SLC35E4: variants seen among roughly 807,000 people sequenced by gnomAD.
The protein encoded by SLC35E4 is solute carrier family 35 member E4.
SLC35E4 carries 15 observed loss-of-function variants against 19.3 expected under a neutral mutation model. The observed-to-expected ratio is 0.78, with a 90% CI of 0.52 to 1.20. The LOEUF (loss-of-function observed/expected upper bound fraction) is 1.20, where lower values mean the gene tolerates loss of function less well. SLC35E4 is among the 50% of genes most tolerant of loss of function. SLC35E4 has a pLI of 0.00. For missense variants in SLC35E4, 406 were observed against 472.3 expected (o/e 0.86, Z 1.30); for synonymous variants, 219 against 219.9 (o/e 1.00, Z 0.04).
chr22:30,650,626 G>T (rs758082374), downstream of SLC35E4, among the ~76,000 whole-genome samples: 1 of 152,152 alleles, frequency 6.6e-6, no homozygotes, highest in Admixed American at 6.5e-5. Flanking sequence ...TGCATTGAGT[G>T]GGGGCAGCAG....
chr22:30,639,680 T>G (rs558258545), intron 1 of SLC35E4, among the ~76,000 whole-genome samples: 29 of 152,306 alleles, frequency 1.9e-4, no homozygotes, highest in Non-Finnish European at 3.7e-4. Context: ...TTTCTCCCAT[T>G]TGCTTTTGAA....
intron 1 of SLC35E4, among the ~76,000 whole-genome samples, chr22:30,639,183 G>A (rs993695264): frequency 5.9e-5 from 9 of 152,250 alleles, no homozygotes; most frequent in East Asian, 1.9e-4. Context: ...CTGGGTGTCC[G>A]GGGGAGACAT....
chr22:30,650,332 C>CA (rs557805647), downstream of SLC35E4, among the ~76,000 whole-genome samples: 3,443 of 136,064 alleles, frequency 0.025, 58 homozygotes, highest in Non-Finnish European at 0.036. Context: ...GACTTCGTCT[C>CA]AAAAAAAAAA....
intron 2 of SLC35E4, chr22:30,662,033 T>TC (rs2088488374): frequency 6.7e-6 from 1 of 150,048 alleles, no homozygotes; most frequent in Non-Finnish European, 1.5e-5. Context: ...TTAAACCATT[T>TC]TTTTTTTTTT....
At chr22:30,663,341 G>T, downstream of SLC35E4, 6 of 1,270,590 alleles carry the variant, frequency 4.7e-6, no homozygotes, top group South Asian at 3.1e-5. Context: ...GTTTTTTTCT[G>T]TATCAACAAA....
chr22:30,656,318 G>A (rs991969180), intron 2 of SLC35E4, among the ~76,000 whole-genome samples: 5 of 152,072 alleles, frequency 3.3e-5, no homozygotes, highest in Non-Finnish European at 7.4e-5. Flanking sequence ...TAGGAAAGCA[G>A]GGCTGTGTGC....
At chr22:30,650,550 G>A (rs559596771), downstream of SLC35E4, among the ~76,000 whole-genome samples, 9 of 152,212 alleles carry the variant, frequency 5.9e-5, no homozygotes, top group South Asian at 2.1e-4. Context: ...ACTTGTGCTC[G>A]AATCCTGGCT....
In SLC35E4 at chr22:30,653,345, C is replaced by T. The variant is rs140900173; in HGVS notation, c.*8+4092C>T. ...TCTCCTGCTGCCCTATCCCGACTGC[C>T]ACAACCCTCATGTGCCCCCTTCCTC... On this transcript the variant is annotated intron_variant, in intron 2 of 2. Transcript: ENST00000406566. Among the ~76,000 whole-genome samples the T allele has an allele frequency of 2.0e-5, 3 of 151,788 alleles. No individual in the cohort carries two copies. The East Asian group carries it at 5.8e-4, about 29-fold the overall frequency.
At chr22:30,651,323 C>T (rs1477513695), downstream of SLC35E4, among the ~76,000 whole-genome samples, 2 of 145,646 alleles carry the variant, frequency 1.4e-5, no homozygotes, top group African/African-American at 5.1e-5. Flanking sequence ...GCCTCAGCCT[C>T]CTGAGTAGCT....
chr22:30,651,397 G>GTATATATA (rs1411379695), downstream of SLC35E4, among the ~76,000 whole-genome samples: 5 of 52,638 alleles, frequency 9.5e-5, no homozygotes, highest in African/African-American at 6.9e-4. Flanking sequence ...GTGTGTGTGT[G>GTATATATA]TGTATATATA....
At chr22:30,645,797 C>T (rs2145581942) in intron 1 of SLC35E4, among the ~76,000 whole-genome samples, 1 of 150,234 alleles carries the variant, frequency 6.7e-6, no homozygotes, top group Middle Eastern at 3.5e-3. Flanking sequence ...GGATTACAGG[C>T]ATAAGCCACT....
chr22:30,649,893 T>G (rs1445969509), downstream of SLC35E4, among the ~76,000 whole-genome samples: 3 of 149,220 alleles, frequency 2.0e-5, no homozygotes, highest in Admixed American at 6.7e-5. Context: ...GACAGGTAAT[T>G]GGGGTTGTGT....
intron 2 of SLC35E4, chr22:30,654,128 C>T (rs1217901819): frequency 1.7e-5 from 4 of 228,850 alleles, no homozygotes; most frequent in Non-Finnish European, 3.5e-5. Flanking sequence ...TACGGGCGCC[C>T]GCCACCACGC....
chr22:30,645,275 T>C (rs2088109460), intron 1 of SLC35E4, among the ~76,000 whole-genome samples: 1 of 152,072 alleles, frequency 6.6e-6, no homozygotes. Flanking sequence ...TTGGGGCCAG[T>C]TGATGCAGAG....
At chr22:30,639,880 C>T (rs984929227) in intron 1 of SLC35E4, among the ~76,000 whole-genome samples, 8 of 152,096 alleles carry the variant, frequency 5.3e-5, no homozygotes, top group African/African-American at 7.2e-5. Flanking sequence ...CGACATACAG[C>T]CTCCTCAGCT....
chr22:30,656,958 TA>T (rs2088350066), intron 2 of SLC35E4, among the ~76,000 whole-genome samples: 2 of 151,552 alleles, frequency 1.3e-5, no homozygotes. Flanking sequence ...CTATTTTGTA[TA>T]AAAATATAAA....
chr22:30,644,118 C>T (rs553250602), intron 1 of SLC35E4, among the ~76,000 whole-genome samples: 1 of 152,306 alleles, frequency 6.6e-6, no homozygotes, highest in African/African-American at 2.4e-5. Context: ...GTTTAATGTG[C>T]AAGCCACAGG....
chr22:30,657,155 C>A (rs1434995240), intron 2 of SLC35E4, among the ~76,000 whole-genome samples: 21 of 151,966 alleles, frequency 1.4e-4, no homozygotes, highest in Admixed American at 1.4e-3. Context: ...AATTTCTGGG[C>A]TGGGTGCAGT....
At chr22:30,637,632 T>A (rs779879207) in intron 1 of SLC35E4, among the ~76,000 whole-genome samples, 9 of 152,154 alleles carry the variant, frequency 5.9e-5, no homozygotes, top group Admixed American at 1.3e-4. Context: ...CTCAGCGATC[T>A]TCCCCCCTCA....
Sources: allele counts gnomAD v4.1 joint callset (sites outside exome capture counted in the v4.1 genomes callset), GRCh38; gene constraint gnomAD v4.1.1; transcripts MANE v1.5; gene names NCBI Gene and HGNC (gene_info 2026-07-23, HGNC 2026-07-21).